STX12: variants seen among roughly 807,000 people sequenced by gnomAD.
STX12 encodes syntaxin 12.
A neutral mutation model predicts 42.2 loss-of-function variants in STX12; 17 were observed. The ratio of observed to expected loss-of-function variants is 0.40; its 90% CI spans 0.28 to 0.60. STX12 has a LOEUF of 0.60. Among genes scored for constraint, STX12 ranks in the 20% least tolerant of loss-of-function variants. STX12 has a pLI of 0.39. For missense variants in STX12, 297 were observed against 330.9 expected, an observed-to-expected ratio of 0.90 and a Z score of 0.79; for synonymous variants, 108 against 116.7, an observed-to-expected ratio of 0.93 and a Z score of 0.48.
intron 3 of STX12, among the ~76,000 whole-genome samples, chr1:27,796,939 A>G (rs868582748): frequency 1.3e-5 from 2 of 152,042 alleles, no homozygotes; most frequent in South Asian, 4.1e-4. Flanking sequence ...TCCCGACCTC[A>G]GGTGATCTGC....
rs889956806 is a variant in STX12, at chr1:27,823,615, G to A, written c.*1286G>A. 6.6e-6 allele frequency: 1 copy of A among 152,552 alleles called. No homozygotes were observed. Among genetic ancestry groups the A allele is most frequent in the African/African-American group, 2.4e-5 (1 of 41,406 alleles). The allele number at this position is 152,552 out of a possible 1,614,324, so 9.4% of individuals were successfully genotyped here. ...GAATTAGAGGATTTGGCTACCCTGA[G>A]TATATTTATATTCATTTCTTCTGTT... is the stretch of plus-strand genomic sequence containing the variant. On this transcript the variant is annotated 3_prime_UTR_variant, in exon 9 of 9. Coordinates refer to ENST00000373943, the MANE Select transcript of STX12 (RefSeq NM_177424.3).
In STX12 at chr1:27,819,722, C is replaced by T; in HGVS notation, c.722C>T (p.Ala241Val). The change falls in exon 8 of 9, where the codon GCT (alanine) becomes GTT (valine). Residue 241 changes from alanine to valine, a missense_variant. Coordinates refer to ENST00000373943, the MANE Select transcript of STX12 (RefSeq NM_177424.3). ...ERATEQLQRA[A>V]YYQKKSRKKM... ...GCCACTGAACAGTTACAGCGAGCTGCTTACTATCAGGTAAAAGCGGGTACC... is the reference window on the plus strand; with the variant it reads ...GCCACTGAACAGTTACAGCGAGCTGTTTACTATCAGGTAAAAGCGGGTACC... 1.2e-6 allele frequency: 2 copies of T among 1,613,732 alleles called. No homozygotes were observed. Among genetic ancestry groups the T allele is most frequent in the Non-Finnish European group, 1.7e-6 (2 of 1,179,742 alleles).
intron 1 of STX12, among the ~76,000 whole-genome samples, chr1:27,787,475 A>G (rs797003866): frequency 7.8e-4 from 119 of 152,194 alleles, no homozygotes; most frequent in African/African-American, 2.7e-3. Flanking sequence ...CCTGACCAAC[A>G]TGGTGAAACC....
intron 3 of STX12, among the ~76,000 whole-genome samples, chr1:27,801,403 C>G (rs1439532107): frequency 7.0e-6 from 1 of 141,986 alleles, no homozygotes; most frequent in Non-Finnish European, 1.5e-5. Flanking sequence ...GACTCCGTCT[C>G]AATAAAAAGA....
intron 1 of STX12, among the ~76,000 whole-genome samples, chr1:27,777,967 C>T (rs1031234576): frequency 2.0e-5 from 3 of 152,012 alleles, no homozygotes; most frequent in African/African-American, 4.8e-5. Flanking sequence ...GATGGGATGA[C>T]GTTGCATCTA....
chr1:27,781,786 A>G (rs1439076518), intron 1 of STX12, among the ~76,000 whole-genome samples: 3 of 152,156 alleles, frequency 2.0e-5, no homozygotes, highest in East Asian at 1.9e-4. Context: ...GTCTTTAGTC[A>G]CAGTGCCTGG....
chr1:27,793,150 T>C (rs988231549), intron 2 of STX12, among the ~76,000 whole-genome samples: 2 of 152,256 alleles, frequency 1.3e-5, no homozygotes, highest in African/African-American at 4.8e-5. Context: ...GTCAGTGGAC[T>C]GTGGCAGTCA....
intron 2 of STX12, among the ~76,000 whole-genome samples, 161 bp downstream of exon 2, chr1:27,789,792 A>ATAT: frequency 6.6e-6 from 1 of 152,332 alleles, no homozygotes; most frequent in South Asian, 2.1e-4. Context: ...GCAACAAAGT[A>ATAT]TATTAATGGA....
intron 1 of STX12, among the ~76,000 whole-genome samples, chr1:27,778,461 C>T (rs1451033853): frequency 1.3e-5 from 2 of 152,082 alleles, no homozygotes; most frequent in African/African-American, 4.8e-5. Context: ...GAGGCCGAGG[C>T]GATCGGATCA....
At chr1:27,779,407 C>T (rs1486690967) in intron 1 of STX12, among the ~76,000 whole-genome samples, 1 of 151,016 alleles carries the variant, frequency 6.6e-6, no homozygotes, top group African/African-American at 2.5e-5. Context: ...AATCTTGGCT[C>T]ACTGTAACAT....
At chr1:27,807,165 G>T (rs537687809) in intron 4 of STX12, among the ~76,000 whole-genome samples, 7 of 151,700 alleles carry the variant, frequency 4.6e-5, no homozygotes, top group African/African-American at 1.7e-4. Flanking sequence ...TGGTAAATGG[G>T]GTGTCTATCC....
chr1:27,779,355 G>A (rs1470409155), intron 1 of STX12, among the ~76,000 whole-genome samples: 1 of 140,448 alleles, frequency 7.1e-6, no homozygotes, highest in Non-Finnish European at 1.5e-5. Flanking sequence ...TTTTTTTTGA[G>A]CCAAGTCTCA....
rs183955630 is a variant in STX12, at chr1:27,815,282, G to A, written c.577-2569G>A. ...ATGGAGCTAAGGAAAGAAATGTAAT[G>A]GATGCCAGGGTATAATGGATCATTT... On this transcript the variant is annotated intron_variant, in intron 6 of 8. Transcript: ENST00000373943. Among the ~76,000 whole-genome samples, 470 of 152,228 alleles carry A rather than the reference G, an allele frequency of 3.1e-3. 4 individuals carry two copies. The highest frequency in any genetic ancestry group is 6.1e-3 in the Admixed American group (93 of 15,286).
intron 1 of STX12, 27 bp downstream of exon 1, chr1:27,773,452 C>T: frequency 6.2e-7 from 1 of 1,603,850 alleles, no homozygotes; most frequent in Middle Eastern, 1.7e-4. Context: ...AGCTGGGGGG[C>T]GGGAGCTGTC....
At chr1:27,796,844 T>C (rs1031897931) in intron 3 of STX12, among the ~76,000 whole-genome samples, 7 of 151,790 alleles carry the variant, frequency 4.6e-5, no homozygotes, top group Admixed American at 4.6e-4. Flanking sequence ...TAGCTGGGAT[T>C]ATAGGCATGT....
At chr1:27,807,244 A>G (rs1006567434) in intron 4 of STX12, among the ~76,000 whole-genome samples, 1 of 152,072 alleles carries the variant, frequency 6.6e-6, no homozygotes, top group Non-Finnish European at 1.5e-5. Context: ...TGAATATATA[A>G]TTAAATTATT....
At chr1:27,800,606 G>T (rs1037435778) in intron 3 of STX12, among the ~76,000 whole-genome samples, 1 of 151,666 alleles carries the variant, frequency 6.6e-6, no homozygotes, top group African/African-American at 2.4e-5. Flanking sequence ...TCAACTCACT[G>T]CAGCCTCAAC....
rs115103741 is a variant in STX12 at position 27,792,946 on chromosome 1, G to A, written c.189-587G>A. Among the ~76,000 whole-genome samples, 926 of 152,230 alleles carry A rather than the reference G, an allele frequency of 6.1e-3. 12 individuals are homozygous for A. Among genetic ancestry groups the A allele is most frequent in the African/African-American group, 0.021 (876 of 41,536 alleles). On this transcript the variant is annotated intron_variant, in intron 2 of 8. Coordinates refer to ENST00000373943, the MANE Select transcript of STX12 (RefSeq NM_177424.3). Reference sequence around the variant, plus strand: ...TCCTTTTGTATTTTTAACAGGTAAGGCTTCTTTGTTTTGGAGGGAAGAGCC... The same window carrying A: ...TCCTTTTGTATTTTTAACAGGTAAGACTTCTTTGTTTTGGAGGGAAGAGCC...
chr1:27,820,514 A>G (rs1403341051), intron 8 of STX12, among the ~76,000 whole-genome samples: 1 of 152,124 alleles, frequency 6.6e-6, no homozygotes, highest in East Asian at 1.9e-4. Context: ...CTTTAGTTTA[A>G]TTAGATCCCA....
Sources: gnomAD v4.1 joint callset for allele counts (sites outside exome capture counted in the v4.1 genomes callset) on GRCh38, gnomAD v4.1.1 for gene constraint, MANE v1.5 for transcripts, NCBI Gene and HGNC (gene_info 2026-07-23, HGNC 2026-07-21) for gene names.